Variants in TTYH1 observed in about 807,000 individuals in gnomAD.
TTYH1 encodes the protein protein tweety homolog 1.
Under a neutral mutation model 61.2 loss-of-function variants are expected in TTYH1, and 33 were observed. That is an observed-to-expected ratio of 0.54 (90% CI 0.41 to 0.72). The LOEUF is 0.72. Ranked by LOEUF, TTYH1 falls within the 30% of genes least tolerant of loss-of-function variation. The probability of loss-of-function intolerance (pLI) is 0.00; values close to 1 mark genes in which losing one functional copy is unlikely to be tolerated. For synonymous variants in TTYH1, 308 were observed against 266.4 expected, an observed-to-expected ratio of 1.16 and a Z score of -1.52; for missense variants, 538 against 575.8, an observed-to-expected ratio of 0.93 and a Z score of 0.67.
chr19:54,436,835 G>T lies in TTYH1; in HGVS notation c.*545G>T, dbSNP rs76547941. 0.026 allele frequency: 4,338 copies of T among 164,890 alleles called. 184 individuals carry two copies. Among genetic ancestry groups the T allele is most frequent in the African/African-American group, 0.098 (3,999 of 41,012 alleles). 10.2% of individuals were successfully genotyped at this position (164,890 alleles called of 1,614,324 possible). A position where few individuals can be genotyped will look rare whatever the true frequency, so the allele number is the denominator to read the frequency against. ...CCAGCTGCCAGGAATTTCTGCGCCT[G>T]TCCAGGCTCAGCAAGGGGTCCAAAG... On this transcript the variant is annotated 3_prime_UTR_variant, in exon 14 of 14. Transcript: ENST00000376530. The surrounding 1 kb of genome is among the most constrained non-coding windows in gnomAD (Gnocchi z 4.3).
chr19:54,427,319 A>C (rs2083342125), intron 5 of TTYH1, among the ~76,000 whole-genome samples: 1 of 134,954 alleles, frequency 7.4e-6, no homozygotes, highest in Non-Finnish European at 1.6e-5. Flanking sequence ...AAAAAAAAAA[A>C]AAAAGGCTGG....
intron 4 of TTYH1, among the ~76,000 whole-genome samples, chr19:54,423,301 G>A (rs568847458): frequency 4.0e-5 from 6 of 151,068 alleles, no homozygotes; most frequent in East Asian, 2.0e-4. Flanking sequence ...GGATTCAAGC[G>A]ATTCTCCTGC....
At chr19:54,425,894 TTA>T (rs2083311911) in intron 4 of TTYH1, among the ~76,000 whole-genome samples, 1 of 152,028 alleles carries the variant, frequency 6.6e-6, no homozygotes, top group Non-Finnish European at 1.5e-5. Flanking sequence ...TGTTGTATTT[TTA>T]GTAAAGACGG....
chr19:54,429,404 G>C lies in TTYH1; in HGVS notation c.807+25G>C. On this transcript the variant is annotated intron_variant, in intron 6 of 13. Coordinates refer to ENST00000376530, the MANE Select transcript of TTYH1 (RefSeq NM_020659.4). The surrounding 1 kb of genome is among the most constrained non-coding windows in gnomAD (Gnocchi z 5.1). ...GGTGAGTGCCAGGGCCGGGCCATTG[G>C]GCTCTGGGACTCAGGGGGCCTGGAG... The C allele has an allele frequency of 6.2e-7, 1 of 1,610,696 alleles. No individual in the cohort carries two copies.
intron 10 of TTYH1, chr19:54,435,255 T>A (rs1006668055): frequency 5.1e-6 from 2 of 392,458 alleles, no homozygotes; most frequent in African/African-American, 4.1e-5. Context: ...GGAGGACCCA[T>A]GTGAAAGGGA....
rs1357195254 is a variant in TTYH1, at chr19:54,416,357, TG to T, written c.126+680del. On this transcript the variant is annotated intron_variant, in intron 1 of 13. Transcript: ENST00000376530. This position sits in a 1 kb window ranked among gnomAD's most constrained non-coding sequence, Gnocchi z 7.0. The stretch of plus-strand genomic sequence containing the variant: ...ACCCGGGTCCCGAGGGTGGGGCCGG[TG>T]TGGGAACCTCACAGAAGCCGGTGTC... 47 of 250,314 alleles carry T rather than the reference TG, an allele frequency of 1.9e-4. No homozygotes were observed. The highest frequency in any genetic ancestry group is 3.8e-4 in the Admixed American group (8 of 20,878). 15.5% of individuals were successfully genotyped at this position (250,314 alleles called of 1,614,324 possible). A position where few individuals can be genotyped will look rare whatever the true frequency, so the allele number is the denominator to read the frequency against.
rs753204049 is a variant in TTYH1, at chr19:54,422,301, C to T, written c.529C>T (p.Arg177Trp). The change falls in exon 4 of 14, where the codon CGG (arginine) becomes TGG (tryptophan). Residue 177 changes from arginine to tryptophan, a missense_variant. Arg to Trp is a moderately radical substitution (Grantham distance 101). Coordinates refer to ENST00000376530, the MANE Select transcript of TTYH1 (RefSeq NM_020659.4). ...GGTGGCTGCCGCCCGAGGGGCTCGA[C>T]GGCAGGCGGAGGCTGCGGCCCAGCA... ...ELVAAARGAR[R>W]QAEAAAQQLQ... 38 of 1,565,228 alleles carry T rather than the reference C, an allele frequency of 2.4e-5. No homozygotes were observed. The highest frequency in any genetic ancestry group is 1.2e-4 in the South Asian group (10 of 85,178).
chr19:54,436,255 C>T lies in TTYH1; in HGVS notation c.*43-78C>T, dbSNP rs2083550169. On this transcript the variant is annotated intron_variant, in intron 13 of 13. Transcript: ENST00000376530. This position sits in a 1 kb window ranked among gnomAD's most constrained non-coding sequence, Gnocchi z 4.3. ...TCCGAGCTGCTCCAGGCATGGGCTG[C>T]GTGCCTCCTGCTGGGTGGATCGCAC... The T allele has an allele frequency of 4.4e-6, 7 of 1,607,354 alleles. No homozygotes were observed. The highest frequency in any genetic ancestry group is 4.5e-5 in the East Asian group (2 of 44,816).
At chr19:54,426,861 T>A in intron 5 of TTYH1, 93 bp downstream of exon 5, 1 of 1,177,872 alleles carries the variant, frequency 8.5e-7, no homozygotes. Context: ...CGGAGGACCG[T>A]GGTCCTTCAC....
chr19:54,432,429 G>A (rs2083461084), intron 10 of TTYH1: 1 of 152,272 alleles, frequency 6.6e-6, no homozygotes, highest in Non-Finnish European at 1.5e-5. Context: ...CAGGTTAGAA[G>A]ATGAGGAGCA....
At chr19:54,430,218 A>G (rs1256247725) in intron 7 of TTYH1, among the ~76,000 whole-genome samples, 1 of 152,150 alleles carries the variant, frequency 6.6e-6, no homozygotes, top group Non-Finnish European at 1.5e-5. Context: ...AGAGGGCAGG[A>G]TAAAGATAAT....
chr19:54,424,437 GC>G (rs1203695580), intron 4 of TTYH1, among the ~76,000 whole-genome samples: 5 of 152,270 alleles, frequency 3.3e-5, no homozygotes, highest in African/African-American at 1.2e-4. Flanking sequence ...CTGCGCTCCA[GC>G]GGGGAAGGCC....
rs537641296 is a variant in TTYH1, at chr19:54,420,273, G to T, written c.305+967G>T. Among the ~76,000 whole-genome samples, 123 of 150,974 alleles carry T rather than the reference G, an allele frequency of 8.1e-4. No homozygotes were observed. The highest frequency in any genetic ancestry group is 3.0e-3 in the African/African-American group (119 of 40,292). ...AGACGCCTGCCCCGGACCCACAGCG[G>T]GCAAGGGGAGGGACCTGTAGGGGTG... On this transcript the variant is annotated intron_variant, in intron 2 of 13. Coordinates refer to ENST00000376530, the MANE Select transcript of TTYH1 (RefSeq NM_020659.4). This position sits in a 1 kb window ranked among gnomAD's most constrained non-coding sequence, Gnocchi z 4.8.
chr19:54,415,576 GC>G lies in TTYH1; in HGVS notation c.27del (p.Ser10GlnfsTer48). The stretch of plus-strand genomic sequence containing the variant: ...CCATGGGGGCGCCCCCGGGCTACCG[GC>G]CCTCAGCTTGGGTGCATCTCCTCCA... Reference protein sequence around the residue: MGAPPGYRPSAWVHLLHQL... With the variant: MGAPPGYRXSAWVHLLHQL... On this transcript the variant is annotated frameshift_variant, in exon 1 of 14. Coordinates refer to ENST00000376530, the MANE Select transcript of TTYH1 (RefSeq NM_020659.4). LOFTEE classifies it high-confidence loss of function. This position sits in a 1 kb window ranked among gnomAD's most constrained non-coding sequence, Gnocchi z 5.2. 1.3e-6 allele frequency: 2 copies of G among 1,505,432 alleles called. No homozygotes were observed. Among genetic ancestry groups the G allele is most frequent in the Non-Finnish European group, 8.8e-7 (1 of 1,133,564 alleles). 93.3% of individuals were successfully genotyped at this position (1,505,432 alleles called of 1,614,324 possible). A position where few individuals can be genotyped will look rare whatever the true frequency, so the allele number is the denominator to read the frequency against.
Position 54,415,898 on chromosome 19 carries a change from A to AT in TTYH1, c.126+220_126+221insT. On this transcript the variant is annotated intron_variant, in intron 1 of 13. Transcript: ENST00000376530. The surrounding 1 kb of genome is among the most constrained non-coding windows in gnomAD (Gnocchi z 5.2). The stretch of plus-strand genomic sequence containing the variant: ...GGTCCAGACCTCGAGCTCTCTAAAT[A>AT]AGGGAAGGCTGGGGACCTGCACCCC... 1 of 759,098 alleles carries AT rather than the reference A, an allele frequency of 1.3e-6. No individual in the cohort carries two copies. Among genetic ancestry groups the AT allele is most frequent in the Non-Finnish European group, 2.0e-6 (1 of 494,698 alleles). The allele number at this position is 759,098 out of a possible 1,614,324, so 47.0% of individuals were successfully genotyped here.
chr19:54,425,206 G>T (rs1048922514), intron 4 of TTYH1, among the ~76,000 whole-genome samples: 7 of 152,364 alleles, frequency 4.6e-5, no homozygotes, highest in Middle Eastern at 3.4e-3. Flanking sequence ...TGGACACCCT[G>T]CCGGATCCGG....
Position 54,429,234 on chromosome 19 carries a change from G to A in TTYH1, c.735-73G>A. On this transcript the variant is annotated intron_variant, in intron 5 of 13. Coordinates refer to ENST00000376530, the MANE Select transcript of TTYH1 (RefSeq NM_020659.4). The surrounding 1 kb of genome is among the most constrained non-coding windows in gnomAD (Gnocchi z 5.1). ...GTGGAGGTGGGGGGCGGCTGTGATG[G>A]GATTTGGGGTGTGGAAAGAGGCTAG... 1 of 1,410,778 alleles carries A rather than the reference G, an allele frequency of 7.1e-7. No individual in the cohort carries two copies. Among genetic ancestry groups the A allele is most frequent in the Admixed American group, 1.7e-5 (1 of 58,428 alleles). The allele number at this position is 1,410,778 out of a possible 1,614,324, so 87.4% of individuals were successfully genotyped here.
chr19:54,416,399 C>T lies in TTYH1; in HGVS notation c.126+721C>T, dbSNP rs1482117299. On this transcript the variant is annotated intron_variant, in intron 1 of 13. Transcript: ENST00000376530. The surrounding 1 kb of genome is among the most constrained non-coding windows in gnomAD (Gnocchi z 7.0). ...AGCCGGTGTCCCTGGGGAAGGGGCC[C>T]GGCTCGGGGCAGCTCCAATGGGCGA... is the stretch of plus-strand genomic sequence containing the variant. 3.9e-6 allele frequency: 1 copy of T among 255,768 alleles called. No homozygotes were observed. The highest frequency in any genetic ancestry group is 7.9e-6 in the Non-Finnish European group (1 of 126,346). 15.8% of individuals were successfully genotyped at this position (255,768 alleles called of 1,614,324 possible). A position where few individuals can be genotyped will look rare whatever the true frequency, so the allele number is the denominator to read the frequency against.
In TTYH1 at chr19:54,419,412, G is replaced by A; in HGVS notation, c.305+106G>A. ...GGGACATGGAGGAAGCAGACAGGAA[G>A]GAGGAAACTCCCTCGTCCCTGTCCC... On this transcript the variant is annotated intron_variant, in intron 2 of 13. Transcript: ENST00000376530. The surrounding 1 kb of genome is among the most constrained non-coding windows in gnomAD (Gnocchi z 6.1). The A allele has an allele frequency of 2.5e-6, 3 of 1,222,492 alleles. No individual in the cohort carries two copies. The highest frequency in any genetic ancestry group is 1.3e-5 in the South Asian group (1 of 78,022). The allele number at this position is 1,222,492 out of a possible 1,614,324, so 75.7% of individuals were successfully genotyped here. A position where few individuals can be genotyped will look rare whatever the true frequency, so the allele number is the denominator to read the frequency against.
Sources: gnomAD v4.1 joint callset for allele counts (sites outside exome capture counted in the v4.1 genomes callset) on GRCh38, gnomAD v4.1.1 for gene constraint, Gnocchi (gnomAD v3.1) non-coding constraint, MANE v1.5 for transcripts, NCBI Gene and HGNC (gene_info 2026-07-23, HGNC 2026-07-21) for gene names.